The following CACNA1E variants were observed in gnomAD, a reference collection of about 807,000 sequenced individuals.
The protein encoded by CACNA1E is calcium voltage-gated channel subunit alpha1 E, also known as voltage-dependent R-type calcium channel subunit alpha-1E.
CACNA1E carries 40 observed loss-of-function variants against 259.2 expected under a neutral mutation model. The ratio of observed to expected loss-of-function variants is 0.15; its 90% CI spans 0.12 to 0.20. The LOEUF is 0.20. CACNA1E is among the 10% of genes least tolerant of loss of function. The pLI is 1.00. For missense variants in CACNA1E, 1,874 were observed against 3,040.1 expected, an observed-to-expected ratio of 0.62 and a Z score of 9.02; for synonymous variants, 1,104 against 1,138.5, an observed-to-expected ratio of 0.97 and a Z score of 0.61.
upstream of CACNA1E, among the ~76,000 whole-genome samples, chr1:181,482,233 G>T (rs1440538766): frequency 6.6e-6 from 1 of 152,220 alleles, no homozygotes; most frequent in Non-Finnish European, 1.5e-5. Context: ...GGCGCTAGGC[G>T]CGCAAAGGCC....
chr1:181,647,281 C>A (rs1658360430), intron 6 of CACNA1E, among the ~76,000 whole-genome samples: 1 of 152,126 alleles, frequency 6.6e-6, no homozygotes, highest in Non-Finnish European at 1.5e-5. Context: ...GAAGGTTCTC[C>A]TGGGGCCAGA....
chr1:181,651,658 G>A, intron 7 of CACNA1E: 1 of 480,048 alleles, frequency 2.1e-6, no homozygotes, highest in Non-Finnish European at 3.7e-6. Flanking sequence ...AAGTCTTGAT[G>A]TCAGGCACAA....
In CACNA1E at chr1:181,580,576, C is replaced by T. The variant is rs1025358562; in HGVS notation, c.770-19C>T. ...AAACACCATGTGATTTATCTCCTACCCTCCAAATGTGTCTGCAGGTATTCT... is the reference window on the plus strand; with the variant it reads ...AAACACCATGTGATTTATCTCCTACTCTCCAAATGTGTCTGCAGGTATTCT... On this transcript the variant is annotated intron_variant, in intron 5 of 47. Transcript: ENST00000367573. 3 of 1,611,752 alleles carry T rather than the reference C, an allele frequency of 1.9e-6. No individual in the cohort carries two copies. The African/African-American group carries it at 4.0e-5, about 22-fold the overall frequency.
At chr1:181,606,377 C>G (rs1474408913) in intron 6 of CACNA1E, among the ~76,000 whole-genome samples, 1 of 152,142 alleles carries the variant, frequency 6.6e-6, no homozygotes, top group Non-Finnish European at 1.5e-5. Context: ...TTCCCTACTC[C>G]TTCACCCTCT....
chr1:181,698,139 C>T (rs1347068655), intron 7 of CACNA1E, among the ~76,000 whole-genome samples: 3 of 152,206 alleles, frequency 2.0e-5, no homozygotes, highest in African/African-American at 7.2e-5. Flanking sequence ...GTCTAACAGT[C>T]TACACGTATT....
At chr1:181,742,967 G>A (rs1656716794) in intron 25 of CACNA1E, among the ~76,000 whole-genome samples, 1 of 152,044 alleles carries the variant, frequency 6.6e-6, no homozygotes, top group South Asian at 2.1e-4. Flanking sequence ...TTTAAGTGTG[G>A]GCAGAGCAGT....
rs1657655330 is a variant in CACNA1E at position 181,752,156 on chromosome 1, C to T, written c.3745C>T (p.Arg1249Trp). 3 of 1,613,192 alleles carry T rather than the reference C, an allele frequency of 1.9e-6. No individual in the cohort carries two copies. Among genetic ancestry groups the T allele is most frequent in the Non-Finnish European group, 2.5e-6 (3 of 1,179,176 alleles). ...LANALGTNKG[R>W]DIKTIKSLRV... Reference sequence around the variant, plus strand: ...TCTCCCCTGCAGAACCAACAAAGGACGGGACATCAAGACCATCAAGTCTCT... The same window carrying T: ...TCTCCCCTGCAGAACCAACAAAGGATGGGACATCAAGACCATCAAGTCTCT... The change falls in exon 27 of 48, where the codon CGG becomes TGG. Residue 1249 changes from arginine (R) to tryptophan (W), a missense_variant. Arg to Trp is a moderately radical substitution (Grantham distance 101). Around this residue, in one of 14 missense-constraint regions of CACNA1E, gnomAD observed 188 missense variants for 540.6 expected, o/e 0.35. Coordinates refer to ENST00000367573, the MANE Select transcript of CACNA1E (RefSeq NM_001205293.3).
At chr1:181,358,783 C>G (rs1653643568) in intron 1 of CACNA1E, among the ~76,000 whole-genome samples, 1 of 152,176 alleles carries the variant, frequency 6.6e-6, no homozygotes, top group Admixed American at 6.5e-5. Flanking sequence ...AGAAGTACAC[C>G]CAGCATGCTA....
intron 6 of CACNA1E, among the ~76,000 whole-genome samples, chr1:181,624,323 T>C (rs1226674086): frequency 2.0e-5 from 3 of 152,154 alleles, no homozygotes; most frequent in African/African-American, 7.2e-5. Context: ...AAGAGAAGAA[T>C]GATGCTTGCT....
At chr1:181,408,556 C>A (rs1182074314) in intron 1 of CACNA1E, among the ~76,000 whole-genome samples, 2 of 152,068 alleles carry the variant, frequency 1.3e-5, no homozygotes, top group Non-Finnish European at 2.9e-5. Context: ...GTGTTTTTGG[C>A]AGTGCAGGGT....
chr1:181,660,815 G>A (rs902440880), intron 7 of CACNA1E, among the ~76,000 whole-genome samples: 3 of 152,176 alleles, frequency 2.0e-5, no homozygotes, highest in African/African-American at 7.2e-5. Context: ...CTAACATAAG[G>A]GAGAGTAATT....
chr1:181,321,229 G>C (rs950972535), intron 1 of CACNA1E, among the ~76,000 whole-genome samples: 2 of 152,170 alleles, frequency 1.3e-5, no homozygotes, highest in African/African-American at 4.8e-5. Context: ...AACACTGGGG[G>C]TCACATTTCA....
intron 1 of CACNA1E, among the ~76,000 whole-genome samples, chr1:181,489,633 G>C (rs1664143257): frequency 1.3e-5 from 2 of 152,194 alleles, no homozygotes; most frequent in South Asian, 4.1e-4. Context: ...AGAGACTGTG[G>C]TTAAGTGGAA....
At chr1:181,796,894 G>T (rs770877924) in intron 47 of CACNA1E, 36 bp downstream of exon 47, 4 of 1,478,806 alleles carry the variant, frequency 2.7e-6, no homozygotes, top group East Asian at 2.4e-5. Flanking sequence ...ACAGCAGAAG[G>T]ACAGGGGAGG....
chr1:181,371,330 T>C (rs1409236531), intron 1 of CACNA1E, among the ~76,000 whole-genome samples: 1 of 152,198 alleles, frequency 6.6e-6, no homozygotes, highest in Non-Finnish European at 1.5e-5. Flanking sequence ...AGTGTGATCA[T>C]AGGTCACTGC....
At chr1:181,348,789 G>A (rs1017776070) in intron 1 of CACNA1E, among the ~76,000 whole-genome samples, 1 of 152,186 alleles carries the variant, frequency 6.6e-6, no homozygotes, top group African/African-American at 2.4e-5. Flanking sequence ...TGGAGACATC[G>A]ATGTCTACTT....
chr1:181,555,488 G>C, intron 3 of CACNA1E, among the ~76,000 whole-genome samples: 1 of 152,236 alleles, frequency 6.6e-6, no homozygotes, highest in Non-Finnish European at 1.5e-5. Flanking sequence ...CCCAGCCTCA[G>C]AAGGCTAATC....
chr1:181,795,444 A>T (rs1572914791), intron 46 of CACNA1E, among the ~76,000 whole-genome samples: 2 of 146,896 alleles, frequency 1.4e-5, no homozygotes, highest in East Asian at 2.0e-4. Flanking sequence ...CTGTGTTTGA[A>T]TTTTTTTTTT....
At chr1:181,539,104 C>T (rs910526627) in intron 3 of CACNA1E, among the ~76,000 whole-genome samples, 1 of 152,194 alleles carries the variant, frequency 6.6e-6, no homozygotes, top group African/African-American at 2.4e-5. Flanking sequence ...TGCTGTAACA[C>T]CAACCCTGCC....
Sources: gnomAD v4.1 joint callset for allele counts (sites outside exome capture counted in the v4.1 genomes callset) on GRCh38, gnomAD v4.1.1 for gene constraint, gnomAD v4.1.1 regional missense constraint, MANE v1.5 for transcripts, NCBI Gene and HGNC (gene_info 2026-07-23, HGNC 2026-07-21) for gene names.